GPM6A: variants seen among roughly 807,000 people sequenced by gnomAD.
GPM6A encodes neuronal membrane glycoprotein M6-a.
GPM6A carries 7 observed loss-of-function variants against 32.1 expected under a neutral mutation model. The observed-to-expected ratio is 0.22, with a 90% CI of 0.12 to 0.41. GPM6A has a LOEUF of 0.41. GPM6A is among the 10% of genes least tolerant of loss of function. The probability of loss-of-function intolerance (pLI) is 1.00; values close to 1 mark genes in which losing one functional copy is unlikely to be tolerated. For missense variants in GPM6A, 235 were observed against 347.2 expected (o/e 0.68, Z 2.57); for synonymous variants, 130 against 123.4 (o/e 1.05, Z -0.35).
At chr4:175,973,140 T>C (rs1034311679) in intron 1 of GPM6A, among the ~76,000 whole-genome samples, 5 of 152,228 alleles carry the variant, frequency 3.3e-5, no homozygotes, top group African/African-American at 1.2e-4. Flanking sequence ...TTTAACTTTA[T>C]AGATGCAACA....
rs532087733 is a variant in GPM6A at position 175,901,712 on chromosome 4, C to T, written c.-22-89463G>A. ...GAGTGCAGTGGTGTAATGCAACCTCCGCCTCCTCAGTTCAAGCAATTCTCC... is the reference window on the plus strand; with the variant it reads ...GAGTGCAGTGGTGTAATGCAACCTCTGCCTCCTCAGTTCAAGCAATTCTCC... On this transcript the variant is annotated intron_variant, in intron 1 of 7. Transcript: ENST00000280187. 4.7e-5 allele frequency among the ~76,000 whole-genome samples: 7 copies of T among 148,920 alleles called. No homozygotes were observed. The East Asian group carries it at 9.8e-4, about 21-fold the overall frequency.
intron 1 of GPM6A, among the ~76,000 whole-genome samples, chr4:175,758,830 G>A (rs973700665): frequency 6.6e-5 from 10 of 151,996 alleles, no homozygotes; most frequent in African/African-American, 2.4e-4. Context: ...CCCAGGAGGC[G>A]GTCAGCTTTC....
chr4:175,842,780 T>C (rs1384581910), intron 1 of GPM6A, among the ~76,000 whole-genome samples: 2 of 152,236 alleles, frequency 1.3e-5, no homozygotes, highest in East Asian at 3.9e-4. Context: ...TATGATGCTA[T>C]ATACCACAGT....
At chr4:175,986,449 T>C (rs989463092) in intron 1 of GPM6A, among the ~76,000 whole-genome samples, 3 of 151,908 alleles carry the variant, frequency 2.0e-5, no homozygotes, top group Non-Finnish European at 2.9e-5. Context: ...GGCGGAAGGA[T>C]TGCTTGAGCC....
At chr4:175,959,261 C>T (rs1179181398) in intron 1 of GPM6A, among the ~76,000 whole-genome samples, 1 of 152,144 alleles carries the variant, frequency 6.6e-6, no homozygotes, top group Admixed American at 6.5e-5. Flanking sequence ...TATAAACAGT[C>T]ATGTCCCCAT....
intron 1 of GPM6A, among the ~76,000 whole-genome samples, chr4:175,921,002 T>C (rs1158348460): frequency 6.6e-6 from 1 of 152,116 alleles, no homozygotes; most frequent in East Asian, 1.9e-4. Context: ...ATAACTCCAA[T>C]AGTAGTAGTA....
chr4:175,690,025 T>C (rs943811328), intron 2 of GPM6A, among the ~76,000 whole-genome samples: 23 of 152,204 alleles, frequency 1.5e-4, no homozygotes, highest in African/African-American at 5.5e-4. Context: ...TGTTTCAACA[T>C]GGCTGTTACG....
intron 3 of GPM6A, among the ~76,000 whole-genome samples, chr4:175,666,260 G>A (rs1444911505): frequency 6.6e-6 from 1 of 152,006 alleles, no homozygotes; most frequent in Non-Finnish European, 1.5e-5. Flanking sequence ...ATACAATAAT[G>A]CTAGTCTTAC....
intron 3 of GPM6A, among the ~76,000 whole-genome samples, chr4:175,672,559 T>G (rs1400348522): frequency 2.0e-5 from 3 of 152,228 alleles, no homozygotes; most frequent in African/African-American, 7.2e-5. Context: ...TTTTATTTTT[T>G]CATCAATCCA....
At chr4:175,701,038 A>T (rs12646542) in intron 2 of GPM6A, among the ~76,000 whole-genome samples, 2 of 152,010 alleles carry the variant, frequency 1.3e-5, no homozygotes, top group African/African-American at 2.4e-5. Context: ...TTGGTGTTTG[A>T]AAAAAAAGGT....
In GPM6A at chr4:175,701,626, G is replaced by T. The variant is rs1196182021; in HGVS notation, c.179C>A (p.Thr60Asn). The T allele has an allele frequency of 6.2e-7, 1 of 1,613,938 alleles. No individual in the cohort carries two copies. The highest frequency in any genetic ancestry group is 2.2e-5 in the East Asian group (1 of 44,868). The change falls in exon 2 of 7, where the codon ACC becomes AAC. Residue 60 changes from threonine to asparagine, a missense_variant. Thr to Asn is a moderately conservative substitution (Grantham distance 65). Coordinates refer to ENST00000393658, the MANE Select transcript of GPM6A (RefSeq NM_201591.3). ...AGCAGTTCTTGCCATCTCAAAGTAGGTTTGCAGAATGTTGACAGTTCCAGA... is the reference window on the plus strand; with the variant it reads ...AGCAGTTCTTGCCATCTCAAAGTAGTTTTGCAGAATGTTGACAGTTCCAGA... The part of the protein sequence containing the change: ...ALSGTVNILQ[T>N]YFEMARTAGD...
At chr4:175,994,962 C>A (rs1455881916) in intron 1 of GPM6A, among the ~76,000 whole-genome samples, 1 of 152,154 alleles carries the variant, frequency 6.6e-6, no homozygotes, top group Non-Finnish European at 1.5e-5. Flanking sequence ...TTTAAGGAAC[C>A]ACTTTCATTA....
At chr4:175,793,984 CA>C (rs1382972177) in intron 1 of GPM6A, among the ~76,000 whole-genome samples, 1 of 151,526 alleles carries the variant, frequency 6.6e-6, no homozygotes, top group Non-Finnish European at 1.5e-5. Flanking sequence ...CAATTTATGT[CA>C]TCTTGATTTG....
intron 1 of GPM6A, among the ~76,000 whole-genome samples, chr4:175,712,272 G>A (rs1243810279): frequency 6.6e-6 from 1 of 152,218 alleles, no homozygotes; most frequent in Non-Finnish European, 1.5e-5. Flanking sequence ...TTCTGGGGCT[G>A]AATTCCTCCC....
chr4:175,985,196 T>TA (rs764486165), intron 1 of GPM6A, among the ~76,000 whole-genome samples: 2 of 152,196 alleles, frequency 1.3e-5, no homozygotes, highest in African/African-American at 2.4e-5. Context: ...TCTATATATG[T>TA]ACACACACAT....
chr4:175,832,140 T>G (rs1735636603), intron 1 of GPM6A, among the ~76,000 whole-genome samples: 1 of 152,178 alleles, frequency 6.6e-6, no homozygotes, highest in Non-Finnish European at 1.5e-5. Flanking sequence ...CTTTGGTTCT[T>G]AAAATTCTGG....
At chr4:175,908,635 C>T (rs1274771107) in intron 1 of GPM6A, among the ~76,000 whole-genome samples, 1 of 152,068 alleles carries the variant, frequency 6.6e-6, no homozygotes, top group Admixed American at 6.6e-5. Flanking sequence ...GTTGCCTTAG[C>T]TGGTTCCAGC....
intron 1 of GPM6A, among the ~76,000 whole-genome samples, chr4:175,743,170 G>C (rs1210307164): frequency 6.6e-6 from 1 of 150,854 alleles, no homozygotes; most frequent in Non-Finnish European, 1.5e-5. Flanking sequence ...AAATCTGTGA[G>C]CAGATCTAGA....
In GPM6A at chr4:175,892,268, G is replaced by A. The variant is rs573463963; in HGVS notation, c.-22-80019C>T. ...CTCAAGATACCCTCTTATTTCATTCGAACTTACTTCATTAACCTTAAAAAA... is the reference window on the plus strand; with the variant it reads ...CTCAAGATACCCTCTTATTTCATTCAAACTTACTTCATTAACCTTAAAAAA... On this transcript the variant is annotated intron_variant, in intron 1 of 7. Transcript: ENST00000280187. 3.9e-5 allele frequency among the ~76,000 whole-genome samples: 6 copies of A among 152,048 alleles called. No individual in the cohort carries two copies. In the East Asian group the frequency reaches 5.8e-4, roughly 15 times the overall value.
Sources: allele counts gnomAD v4.1 joint callset (sites outside exome capture counted in the v4.1 genomes callset), GRCh38; gene constraint gnomAD v4.1.1; transcripts MANE v1.5; gene names NCBI Gene and HGNC (gene_info 2026-07-23, HGNC 2026-07-21).